SPRED2: variants seen among roughly 807,000 people sequenced by gnomAD.
SPRED2 encodes sprouty related EVH1 domain containing 2.
SPRED2 carries 47 observed loss-of-function variants against 43.0 expected under a neutral mutation model. The observed-to-expected ratio is 1.09, with a 90% CI of 0.87 to 1.40. The LOEUF (loss-of-function observed/expected upper bound fraction) is 1.40, where lower values mean the gene tolerates loss of function less well. Ranked by LOEUF, SPRED2 falls within the 40% of genes most tolerant of loss-of-function variation. The probability of loss-of-function intolerance (pLI) is 0.00; values close to 1 mark genes in which losing one functional copy is unlikely to be tolerated. For synonymous variants in SPRED2, 225 were observed against 225.7 expected, an observed-to-expected ratio of 1.00 and a Z score of 0.03; for missense variants, 561 against 586.4, an observed-to-expected ratio of 0.96 and a Z score of 0.45.
Position 65,316,821 on chromosome 2 carries a change from G to T in SPRED2, c.501C>A (p.Ser167=). 4 of 1,613,860 alleles carry T rather than the reference G, an allele frequency of 2.5e-6. No homozygotes were observed. Among genetic ancestry groups the T allele is most frequent in the Non-Finnish European group, 3.4e-6 (4 of 1,179,948 alleles). Residue 167 remains serine (S), a synonymous_variant, in exon 5 of 6, where the codon TCC becomes TCA. Transcript: ENST00000356388. ...QKREQPTRTI[S]SPTSCEHRRI... ...TCCGGTGCTCACAGGATGTGGGAGA[G>T]GAGATTGTCCGAGTAGGTTGCTCTC...
At chr2:65,379,726 C>G (rs1053521720) in intron 1 of SPRED2, among the ~76,000 whole-genome samples, 1 of 152,310 alleles carries the variant, frequency 6.6e-6, no homozygotes, top group African/African-American at 2.4e-5. Flanking sequence ...GGGCTGGAAT[C>G]TGACCCAGCC....
intron 4 of SPRED2, among the ~76,000 whole-genome samples, chr2:65,320,454 C>T (rs915471298): frequency 1.3e-5 from 2 of 152,210 alleles, no homozygotes; most frequent in African/African-American, 4.8e-5. Flanking sequence ...CCTCCCCAGC[C>T]CTCTCTCCCT....
chr2:65,332,536 G>A (rs1271558444), intron 3 of SPRED2, among the ~76,000 whole-genome samples: 2 of 152,222 alleles, frequency 1.3e-5, no homozygotes, highest in African/African-American at 4.8e-5. Flanking sequence ...TAGCTCAATA[G>A]CTTGTATGGT....
At position 65,331,222 on chromosome 2, in the gene SPRED2, C is replaced by T. The variant is rs117366363; in HGVS notation, c.438+765G>A. On this transcript the variant is annotated intron_variant, in intron 4 of 5. Transcript: ENST00000356388. ...CTTGAGCCCAGGAGTTCAAAACCAGCCTAGGCAATACAGCGAAACCCCATC... is the reference window on the plus strand; with the variant it reads ...CTTGAGCCCAGGAGTTCAAAACCAGTCTAGGCAATACAGCGAAACCCCATC... Among the ~76,000 whole-genome samples the T allele has an allele frequency of 6.0e-4, 91 of 152,178 alleles. No homozygotes were observed. The East Asian group carries it at 8.7e-3, about 15-fold the overall frequency.
chr2:65,314,258 G>T, intron 5 of SPRED2, 89 bp from the exon 6 acceptor site: 1 of 1,278,084 alleles, frequency 7.8e-7, no homozygotes, highest in Non-Finnish European at 1.1e-6. Context: ...CTCCCTAGCC[G>T]TCCAAAATGC....
At chr2:65,426,196 G>C (rs1490650970) in intron 1 of SPRED2, among the ~76,000 whole-genome samples, 1 of 152,154 alleles carries the variant, frequency 6.6e-6, no homozygotes, top group African/African-American at 2.4e-5. Flanking sequence ...TGGGTTTTGA[G>C]TTACCAATGA....
intron 4 of SPRED2, among the ~76,000 whole-genome samples, chr2:65,331,378 G>T (rs1465467120): frequency 6.6e-6 from 1 of 152,232 alleles, no homozygotes; most frequent in African/African-American, 2.4e-5. Flanking sequence ...GGATTTAACT[G>T]AAGCAGCAAG....
At chr2:65,378,723 C>G (rs1479647761) in intron 1 of SPRED2, among the ~76,000 whole-genome samples, 2 of 152,206 alleles carry the variant, frequency 1.3e-5, no homozygotes, top group Non-Finnish European at 2.9e-5. Flanking sequence ...TTTTTCATTC[C>G]ATCAACTAAC....
In SPRED2 at chr2:65,314,113, C is replaced by A; in HGVS notation, c.645G>T (p.Val215=). The A allele has an allele frequency of 6.2e-7, 1 of 1,610,640 alleles. No homozygotes were observed. Among genetic ancestry groups the A allele is most frequent in the Non-Finnish European group, 8.5e-7 (1 of 1,177,172 alleles). ...VSFPDDDEEI[V]RINPREKIWM... is the part of the protein sequence containing the mutation. ...AGATCTTCTCCCGGGGGTTGATGCGCACGATCTCCTCGTCGTCGTCCGGGA... is the reference window on the plus strand; with the variant it reads ...AGATCTTCTCCCGGGGGTTGATGCGAACGATCTCCTCGTCGTCGTCCGGGA... Residue 215 remains valine (V), a synonymous_variant, in exon 6 of 6, where the codon GTG becomes GTT. Coordinates refer to ENST00000356388, the MANE Select transcript of SPRED2 (RefSeq NM_181784.3).
At chr2:65,345,259 G>GTTTTTTTTTTTTTT (rs66991368) in intron 1 of SPRED2, among the ~76,000 whole-genome samples, 5 of 111,374 alleles carry the variant, frequency 4.5e-5, no homozygotes, top group South Asian at 3.8e-4. Flanking sequence ...TTTAGTTGTT[G>GTTTTTTTTTTTTTT]TTTTTTTTTT....
At position 65,312,701 on chromosome 2, in the gene SPRED2, T is replaced by C. The variant is rs1673103011; in HGVS notation, c.*800A>G. 1.0e-6 allele frequency: 1 copy of C among 985,782 alleles called. No individual in the cohort carries two copies. Among genetic ancestry groups the C allele is most frequent in the Non-Finnish European group, 1.2e-6 (1 of 829,936 alleles). The allele number at this position is 985,782 out of a possible 1,614,324, so 61.1% of individuals were successfully genotyped here. Reference sequence around the variant, plus strand: ...GCTCATAGAAACCTGAAATCCCCATTCTAGCCCTGGTCCAAGAGGATGCAA... The same window carrying C: ...GCTCATAGAAACCTGAAATCCCCATCCTAGCCCTGGTCCAAGAGGATGCAA... On this transcript the variant is annotated 3_prime_UTR_variant, in exon 6 of 6. Coordinates refer to ENST00000356388, the MANE Select transcript of SPRED2 (RefSeq NM_181784.3).
downstream of SPRED2, chr2:65,308,578 G>T: frequency 1.0e-6 from 1 of 985,422 alleles, no homozygotes; most frequent in African/African-American, 1.7e-5. Flanking sequence ...CAGGGCCTCA[G>T]AATAAAAAAG....
intron 1 of SPRED2, among the ~76,000 whole-genome samples, chr2:65,404,094 A>G (rs957193241): frequency 2.6e-5 from 4 of 151,976 alleles, no homozygotes; most frequent in Non-Finnish European, 2.9e-5. Context: ...AGTCCCAGCT[A>G]CTCAGGAGGC....
At chr2:65,327,141 C>T (rs967009273) in intron 4 of SPRED2, among the ~76,000 whole-genome samples, 1 of 152,174 alleles carries the variant, frequency 6.6e-6, no homozygotes, top group Non-Finnish European at 1.5e-5. Context: ...CAGTTGTGAG[C>T]CACCATGCAC....
chr2:65,426,432 A>G (rs1443761834), intron 1 of SPRED2, among the ~76,000 whole-genome samples: 1 of 152,246 alleles, frequency 6.6e-6, no homozygotes, highest in Non-Finnish European at 1.5e-5. Context: ...AATGTGCCCA[A>G]TGGTGTTGGG....
chr2:65,338,598 T>C (rs1418646767), intron 2 of SPRED2, among the ~76,000 whole-genome samples: 1 of 151,254 alleles, frequency 6.6e-6, no homozygotes, highest in South Asian at 2.1e-4. Context: ...ATTCACTCAG[T>C]GCTCAATGGT....
intron 1 of SPRED2, among the ~76,000 whole-genome samples, chr2:65,358,945 G>C (rs962165542): frequency 6.6e-6 from 1 of 152,216 alleles, no homozygotes. Context: ...AGGTAAGGAG[G>C]AGGAATTCTT....
chr2:65,411,203 C>G (rs920335781), intron 1 of SPRED2, among the ~76,000 whole-genome samples: 3 of 152,178 alleles, frequency 2.0e-5, no homozygotes, highest in African/African-American at 7.2e-5. Context: ...AATCCTCCAG[C>G]AATCTTTTGA....
In SPRED2 at chr2:65,415,119, C is replaced by A. The variant is rs1379736145; in HGVS notation, c.26+16843G>T. On this transcript the variant is annotated intron_variant, in intron 1 of 5. Transcript: ENST00000356388. The stretch of plus-strand genomic sequence containing the variant: ...AATGTTTTAATCATACTAAAATATA[C>A]ATAACATAAAACTTACCACTTTAAC... Among the ~76,000 whole-genome samples the A allele has an allele frequency of 1.3e-5, 2 of 152,214 alleles. 1 individual carries two copies. Among genetic ancestry groups the A allele is most frequent in the South Asian group, 4.1e-4 (2 of 4,832 alleles).
Sources: gnomAD v4.1 joint callset for allele counts (sites outside exome capture counted in the v4.1 genomes callset) on GRCh38, gnomAD v4.1.1 for gene constraint, MANE v1.5 for transcripts, NCBI Gene and HGNC (gene_info 2026-07-23, HGNC 2026-07-21) for gene names.